Variants in LRP6 observed in about 807,000 individuals in gnomAD.
The protein encoded by LRP6 is LDL receptor related protein 6.
LRP6 carries 43 observed loss-of-function variants against 184.1 expected under a neutral mutation model. The ratio of observed to expected loss-of-function variants is 0.23; its 90% CI spans 0.18 to 0.30. The LOEUF (loss-of-function observed/expected upper bound fraction) is 0.30, where lower values mean the gene tolerates loss of function less well. Ranked by LOEUF, LRP6 falls within the 10% of genes least tolerant of loss-of-function variation. The pLI is 1.00. For synonymous variants in LRP6, 719 were observed against 684.9 expected, an observed-to-expected ratio of 1.05 and a Z score of -0.78; for missense variants, 1,571 against 2,005.3, an observed-to-expected ratio of 0.78 and a Z score of 4.14.
At chr12:12,131,097 A>ATTTTTTTTTTTTT (rs35705276) in intron 18 of LRP6, among the ~76,000 whole-genome samples, 12 of 78,194 alleles carry the variant, frequency 1.5e-4, no homozygotes, top group African/African-American at 4.8e-4. Flanking sequence ...ATTTCCTAAC[A>ATTTTTTTTTTTTT]TTTTTTTTTT....
chr12:12,126,332 T>C (rs1949670690), intron 20 of LRP6, among the ~76,000 whole-genome samples: 2 of 152,362 alleles, frequency 1.3e-5, no homozygotes, highest in Middle Eastern at 3.4e-3. Context: ...CTTTTATTCA[T>C]GGGCTCCATA....
rs377149548 is a variant in LRP6 at position 12,226,042 on chromosome 12, G to A, written c.449+18220C>T. Among the ~76,000 whole-genome samples the A allele has an allele frequency of 1.9e-4, 29 of 152,038 alleles. No individual in the cohort carries two copies. The South Asian group carries it at 4.2e-3, about 22-fold the overall frequency. On this transcript the variant is annotated intron_variant, in intron 2 of 22. Coordinates refer to ENST00000261349, the MANE Select transcript of LRP6 (RefSeq NM_002336.3). ...TATCCAGCTCCACCTCCCTCTCCCCGTCTACACAGAAGAAGAGAAATACTT... is the reference window on the plus strand; with the variant it reads ...TATCCAGCTCCACCTCCCTCTCCCCATCTACACAGAAGAAGAGAAATACTT...
intron 2 of LRP6, among the ~76,000 whole-genome samples, chr12:12,223,195 A>C (rs1356180310): frequency 2.6e-5 from 4 of 151,014 alleles, no homozygotes; most frequent in African/African-American, 7.3e-5. Context: ...AAAAAAAAAA[A>C]CCAGGACCTA....
chr12:12,132,114 G>T (rs1353302838), intron 17 of LRP6, 57 bp from the exon 18 acceptor site: 4 of 1,053,306 alleles, frequency 3.8e-6, no homozygotes, highest in African/African-American at 3.1e-5. Flanking sequence ...TCACACAGAA[G>T]TACAAACACA....
In LRP6 at chr12:12,165,090, T is replaced by A. The variant is rs1862844862; in HGVS notation, c.1751A>T (p.His584Leu). 4 of 1,613,452 alleles carry A rather than the reference T, an allele frequency of 2.5e-6. No individual in the cohort carries two copies. The South Asian group carries it at 4.4e-5, about 18-fold the overall frequency. ...TTGGAGTTACTCACCAATCACTCGA[T>A]GAACATTTGTAGCCTTTAGGCCCAT... ...DLMGLKATNV[H>L]RVIGSNPCAE... is the part of the protein sequence containing the mutation. The change falls in exon 8 of 23, where the codon CAT (histidine) becomes CTT (leucine). Residue 584 changes from histidine to leucine, a missense_variant. Physicochemically the swap from His to Leu is moderately conservative, Grantham distance 99. Coordinates refer to ENST00000261349, the MANE Select transcript of LRP6 (RefSeq NM_002336.3).
intron 1 of LRP6, among the ~76,000 whole-genome samples, chr12:12,254,219 G>A (rs1029377229): frequency 4.0e-5 from 6 of 151,168 alleles, no homozygotes; most frequent in Non-Finnish European, 7.4e-5. Flanking sequence ...ACAAGCGTCT[G>A]ATGGCATCAC....
At chr12:12,251,626 C>T (rs1213472278) in intron 1 of LRP6, among the ~76,000 whole-genome samples, 1 of 152,120 alleles carries the variant, frequency 6.6e-6, no homozygotes, top group African/African-American at 2.4e-5. Context: ...CCTCGACCTC[C>T]CAAAGTGTTG....
intron 2 of LRP6, among the ~76,000 whole-genome samples, chr12:12,217,806 T>C (rs1308822942): frequency 1.3e-5 from 2 of 152,152 alleles, no homozygotes; most frequent in African/African-American, 2.4e-5. Flanking sequence ...GTTCAACAAA[T>C]AGTGCTGGGA....
chr12:12,146,354 C>T (rs1950006067), intron 15 of LRP6, among the ~76,000 whole-genome samples: 1 of 152,126 alleles, frequency 6.6e-6, no homozygotes, highest in Non-Finnish European at 1.5e-5. Flanking sequence ...CCATACTGGC[C>T]AATGCTAGGC....
At chr12:12,124,483 C>T in intron 22 of LRP6, 82 bp downstream of exon 22, 1 of 933,102 alleles carries the variant, frequency 1.1e-6, no homozygotes, top group Admixed American at 1.7e-5. Flanking sequence ...CCATCGTCTA[C>T]TCATTTGGGG....
At chr12:12,122,140 T>C (rs1437110051) in intron 22 of LRP6, among the ~76,000 whole-genome samples, 1 of 152,184 alleles carries the variant, frequency 6.6e-6, no homozygotes, top group Non-Finnish European at 1.5e-5. Flanking sequence ...CCTAGTTTAT[T>C]TCTTACACTT....
At chr12:12,227,834 G>A (rs1434275586) in intron 2 of LRP6, among the ~76,000 whole-genome samples, 1 of 152,182 alleles carries the variant, frequency 6.6e-6, no homozygotes, top group African/African-American at 2.4e-5. Flanking sequence ...GGGATGGAAG[G>A]GAGAAATTAG....
chr12:12,249,298 G>A, intron 1 of LRP6: 1 of 1,132,470 alleles, frequency 8.8e-7, no homozygotes, highest in Non-Finnish European at 1.3e-6. Context: ...GGACCCAAGA[G>A]CCATATCAGT....
rs1210084085 is a variant in LRP6, at chr12:12,144,873, T to G, written c.3397+2493A>C. Among the ~76,000 whole-genome samples, 9 of 115,602 alleles carry G rather than the reference T, an allele frequency of 7.8e-5. No individual in the cohort carries two copies. In the East Asian group the frequency reaches 2.2e-3, roughly 29 times the overall value. The allele number at this position is 115,602 out of a possible 152,430, so 75.8% of individuals were successfully genotyped here. Reference sequence around the variant, plus strand: ...GTGGGAATTAAACAATGAGATCACTTGGACACAGGGTGGGGAACATCACAC... The same window carrying G: ...GTGGGAATTAAACAATGAGATCACTGGGACACAGGGTGGGGAACATCACAC... On this transcript the variant is annotated intron_variant, in intron 15 of 22. Coordinates refer to ENST00000261349, the MANE Select transcript of LRP6 (RefSeq NM_002336.3).
At chr12:12,148,840 T>G in intron 14 of LRP6, 102 bp downstream of exon 14, 1 of 850,270 alleles carries the variant, frequency 1.2e-6, no homozygotes, top group Non-Finnish European at 2.1e-6. Flanking sequence ...AATTGTTTGC[T>G]GGAGCACAGG....
chr12:12,185,224 G>C (rs1863439900), intron 4 of LRP6, among the ~76,000 whole-genome samples: 1 of 152,092 alleles, frequency 6.6e-6, no homozygotes, highest in South Asian at 2.1e-4. Flanking sequence ...ACTTGAGCCT[G>C]GAAGTTCGAG....
chr12:12,205,700 C>G (rs916303547), intron 2 of LRP6, among the ~76,000 whole-genome samples: 2 of 152,206 alleles, frequency 1.3e-5, no homozygotes, highest in African/African-American at 2.4e-5. Flanking sequence ...GCACATCACT[C>G]AAAGTCACAT....
intron 1 of LRP6, among the ~76,000 whole-genome samples, chr12:12,255,051 C>G (rs561912532): frequency 6.6e-6 from 1 of 152,290 alleles, no homozygotes; most frequent in African/African-American, 2.4e-5. Flanking sequence ...TGTAAATAAT[C>G]AGGCCCAATC....
intron 3 of LRP6, among the ~76,000 whole-genome samples, chr12:12,199,038 A>C (rs1863845580): frequency 1.3e-5 from 2 of 152,220 alleles, no homozygotes; most frequent in African/African-American, 4.8e-5. Context: ...AAAACCATGC[A>C]ACAAGCCACC....
Sources: allele counts gnomAD v4.1 joint callset (sites outside exome capture counted in the v4.1 genomes callset), GRCh38; gene constraint gnomAD v4.1.1; transcripts MANE v1.5; gene names NCBI Gene and HGNC (gene_info 2026-07-23, HGNC 2026-07-21).